Variants in WDR31 observed in about 807,000 individuals in gnomAD.
WDR31 encodes WD repeat-containing protein 31.
Under a neutral mutation model 47.3 loss-of-function variants are expected in WDR31, and 30 were observed. The observed-to-expected ratio is 0.63, with a 90% CI of 0.47 to 0.86. WDR31 has a LOEUF of 0.86. WDR31 is among the 40% of genes least tolerant of loss of function. The probability of loss-of-function intolerance (pLI) is 0.00; values close to 1 mark genes in which losing one functional copy is unlikely to be tolerated. For synonymous variants in WDR31, 137 were observed against 159.4 expected (o/e 0.86, Z 1.06); for missense variants, 406 against 442.9 (o/e 0.92, Z 0.75).
chr9:113,338,996 C>A (rs1355139489), intron 1 of WDR31, among the ~76,000 whole-genome samples: 1 of 152,120 alleles, frequency 6.6e-6, no homozygotes, highest in African/African-American at 2.4e-5. Context: ...AGAGAGCAGT[C>A]ACCCTGTTTC....
intron 5 of WDR31, among the ~76,000 whole-genome samples, chr9:113,326,631 G>A (rs1247505290): frequency 6.6e-6 from 1 of 151,798 alleles, no homozygotes; most frequent in African/African-American, 2.4e-5. Context: ...TATGACCACC[G>A]AATATATTTG....
intron 10 of WDR31, among the ~76,000 whole-genome samples, chr9:113,318,108 C>T (rs372265581): frequency 1.4e-4 from 22 of 152,316 alleles, no homozygotes; most frequent in East Asian, 1.3e-3. Context: ...CTGAAAGTAT[C>T]CTTACTCCCC....
chr9:113,328,994 T>G (rs573024375), intron 4 of WDR31, 39 bp from the exon 5 acceptor site: 1 of 1,563,016 alleles, frequency 6.4e-7, no homozygotes, highest in East Asian at 2.2e-5. Flanking sequence ...TACTCAATTC[T>G]TGTTAAAGTG....
At chr9:113,320,011 C>A (rs1022669905) in intron 9 of WDR31, among the ~76,000 whole-genome samples, 2 of 152,170 alleles carry the variant, frequency 1.3e-5, no homozygotes, top group African/African-American at 4.8e-5. Context: ...GCCTCAAACT[C>A]CTAGGCTCAG....
intron 2 of WDR31, among the ~76,000 whole-genome samples, chr9:113,334,063 C>CAGTG (rs905694302): frequency 4.0e-5 from 6 of 151,826 alleles, no homozygotes; most frequent in African/African-American, 1.5e-4. Context: ...GGCTGGAGTG[C>CAGTG]AGTGGTGTGA....
intron 1 of WDR31, among the ~76,000 whole-genome samples, chr9:113,337,564 C>T (rs1449333774): frequency 6.7e-6 from 1 of 150,290 alleles, no homozygotes; most frequent in Non-Finnish European, 1.5e-5. Context: ...CTCCCAGGTT[C>T]AAGCAATTCT....
intron 7 of WDR31, 24 bp from the exon 8 acceptor site, chr9:113,321,602 A>G (rs1175404037): frequency 1.2e-6 from 2 of 1,605,650 alleles, no homozygotes; most frequent in South Asian, 2.2e-5. Flanking sequence ...AATGTTCAGA[A>G]CTTCTCCACA....
rs138026671 is a variant in WDR31, at chr9:113,331,834, C to A, written c.116+73G>T. 1,696 of 1,409,576 alleles carry A rather than the reference C, an allele frequency of 1.2e-3. 14 individuals are homozygous for A. The African/African-American group carries it at 0.021, about 17-fold the overall frequency. The allele number at this position is 1,409,576 out of a possible 1,614,324, so 87.3% of individuals were successfully genotyped here. A position where few individuals can be genotyped will look rare whatever the true frequency, so the allele number is the denominator to read the frequency against. On this transcript the variant is annotated intron_variant, in intron 3 of 10. Coordinates refer to ENST00000374193, the MANE Select transcript of WDR31 (RefSeq NM_001012361.4). ...GAAGGCCATCAACATTCGCCCTGGG[C>A]CTTCTCTTTCTTCAGTGGAGAGTTT... is the stretch of plus-strand genomic sequence containing the variant.
chr9:113,328,351 G>A (rs1336250471), intron 5 of WDR31, among the ~76,000 whole-genome samples: 3 of 152,188 alleles, frequency 2.0e-5, no homozygotes, highest in Non-Finnish European at 4.4e-5. Flanking sequence ...AATGAAGTGT[G>A]TATCTTAATT....
At chr9:113,319,207 T>C (rs1169641900) in intron 9 of WDR31, among the ~76,000 whole-genome samples, 1 of 152,178 alleles carries the variant, frequency 6.6e-6, no homozygotes, top group East Asian at 1.9e-4. Context: ...CTCTCATTGA[T>C]ACAGATCAGA....
chr9:113,326,040 T>C (rs564268938), intron 5 of WDR31, among the ~76,000 whole-genome samples: 1 of 152,246 alleles, frequency 6.6e-6, no homozygotes, highest in South Asian at 2.1e-4. Context: ...GCCTCTCGAG[T>C]AGCTGGGTTT....
At chr9:113,318,108 C>A (rs372265581) in intron 10 of WDR31, among the ~76,000 whole-genome samples, 1 of 152,198 alleles carries the variant, frequency 6.6e-6, no homozygotes, top group African/African-American at 2.4e-5. Context: ...CTGAAAGTAT[C>A]CTTACTCCCC....
At position 113,316,918 on chromosome 9, in the gene WDR31, G is replaced by C; in HGVS notation, c.944-9C>G. On this transcript the variant is annotated splice_polypyrimidine_tract_variant and intron_variant, in intron 10 of 10. Transcript: ENST00000374193. ...CAAGGTGAAAAGGCAGGCTGGGGGG[G>C]AAAGGGGGACCAGCAGATTAGGCCA... The C allele has an allele frequency of 6.2e-7, 1 of 1,612,594 alleles. No individual in the cohort carries two copies. The highest frequency in any genetic ancestry group is 8.5e-7 in the Non-Finnish European group (1 of 1,179,346).
Position 113,328,887 on chromosome 9 carries a change from G to T in WDR31, c.318C>A (p.Ile106=). 6.2e-7 allele frequency: 1 copy of T among 1,613,240 alleles called. No homozygotes were observed. The highest frequency in any genetic ancestry group is 8.5e-7 in the Non-Finnish European group (1 of 1,179,180). ...VKRFKGHEHE[I]TKVACIPKSS... is the part of the protein sequence containing the mutation. The stretch of plus-strand genomic sequence containing the variant: ...ATAATCATTTGAAAATTACCTTGGT[G>T]ATCTCATGTTCATGTCCTTTGAACC... The change falls in exon 5 of 11, where the codon ATC becomes ATA. Residue 106 remains isoleucine, a synonymous_variant. Coordinates refer to ENST00000374193, the MANE Select transcript of WDR31 (RefSeq NM_001012361.4).
intron 1 of WDR31, among the ~76,000 whole-genome samples, chr9:113,337,835 T>G (rs1002207766): frequency 8.5e-5 from 13 of 152,204 alleles, no homozygotes. Flanking sequence ...AATGCAAATA[T>G]TCTAAAATCT....
chr9:113,326,034 C>T (rs1833455666), intron 5 of WDR31, among the ~76,000 whole-genome samples: 2 of 152,190 alleles, frequency 1.3e-5, no homozygotes, highest in Non-Finnish European at 2.9e-5. Flanking sequence ...GCCTCAGCCT[C>T]TCGAGTAGCT....
chr9:113,315,404 TGGCTG>T lies in WDR31; in HGVS notation c.*1340_*1344del, dbSNP rs1833168862. ...AGAAGACAAATGCAAAATCTTTCTT[TGGCTG>T]GGACTTGTCAGAAAGGGAATCTCCA... On this transcript the variant is annotated 3_prime_UTR_variant, in exon 11 of 11. Transcript: ENST00000374193. The T allele has an allele frequency of 6.6e-6, 1 of 152,046 alleles. No individual in the cohort carries two copies. The highest frequency in any genetic ancestry group is 1.5e-5 in the Non-Finnish European group (1 of 68,044). 9.4% of individuals were successfully genotyped at this position (152,046 alleles called of 1,614,324 possible). A position where few individuals can be genotyped will look rare whatever the true frequency, so the allele number is the denominator to read the frequency against.
At chr9:113,339,888 C>T (rs1833793535) in intron 1 of WDR31, among the ~76,000 whole-genome samples, 1 of 152,112 alleles carries the variant, frequency 6.6e-6, no homozygotes, top group Admixed American at 6.5e-5. Context: ...GCGCACGGCA[C>T]CACTCCCGGC....
Position 113,332,510 on chromosome 9 carries a change from T to TACTTAC in WDR31, c.-28-461_-28-460insGTAAGT. 2.0e-5 allele frequency among the ~76,000 whole-genome samples: 3 copies of TACTTAC among 152,314 alleles called. No individual in the cohort carries two copies. In the South Asian group the frequency reaches 6.2e-4, roughly 32 times the overall value. On this transcript the variant is annotated intron_variant, in intron 2 of 10. Transcript: ENST00000374193. ...TACATACTACAACATGGGTGAATCT[T>TACTTAC]GAGAACATCATGCTAAGCAAAAGAA... is the stretch of plus-strand genomic sequence containing the variant.
Sources: gnomAD v4.1 joint callset for allele counts (sites outside exome capture counted in the v4.1 genomes callset) on GRCh38, gnomAD v4.1.1 for gene constraint, MANE v1.5 for transcripts, NCBI Gene and HGNC (gene_info 2026-07-23, HGNC 2026-07-21) for gene names.